DDX24: variants seen among roughly 807,000 people sequenced by gnomAD.
DDX24 encodes the protein DEAD-box helicase 24.
Under a neutral mutation model 68.9 loss-of-function variants are expected in DDX24, and 24 were observed. That is an observed-to-expected ratio of 0.35 (90% CI 0.25 to 0.49). The LOEUF is 0.49. DDX24 is among the 20% of genes least tolerant of loss of function. DDX24 has a pLI of 0.99. For missense variants in DDX24, 989 were observed against 1,039.0 expected (o/e 0.95, Z 0.66); for synonymous variants, 395 against 385.2 (o/e 1.03, Z -0.30).
rs57200455 is a variant in DDX24, at chr14:94,069,458, T to C, written c.719-6837A>G. On this transcript the variant is annotated intron_variant, in intron 2 of 8. Transcript: ENST00000621632. ...ATTCAAAGAACTGGTCCCAATCCTT[T>C]TGACACTATTCTACGAGATGGAGAA... Among the ~76,000 whole-genome samples, 690 of 152,302 alleles carry C rather than the reference T, an allele frequency of 4.5e-3. 20 individuals carry two copies. In the East Asian group the frequency reaches 0.091, roughly 20 times the overall value.
At chr14:94,073,580 A>T (rs1885876598) in intron 2 of DDX24, among the ~76,000 whole-genome samples, 1 of 152,186 alleles carries the variant, frequency 6.6e-6, no homozygotes, top group Admixed American at 6.5e-5. Context: ...ACAAAAAAAA[A>T]TTACTAAGGA....
intron 2 of DDX24, among the ~76,000 whole-genome samples, chr14:94,071,358 GAT>G (rs1885824352): frequency 6.6e-6 from 1 of 152,168 alleles, no homozygotes; most frequent in Non-Finnish European, 1.5e-5. Flanking sequence ...AAAAACAGTA[GAT>G]GTTGGCAGCC....
rs1419991709 is a variant in DDX24 at position 94,076,699 on chromosome 14, A to C, written c.718+2326T>G. On this transcript the variant is annotated intron_variant, in intron 2 of 8. Transcript: ENST00000621632. ...CCGTCTCAAAAAAAAAAAAAAAAAG[A>C]AAGCAAGAAAATGCAAATTAATCTA... Among the ~76,000 whole-genome samples the C allele has an allele frequency of 6.1e-5, 9 of 147,132 alleles. No individual in the cohort carries two copies. The South Asian group carries it at 6.5e-4, about 11-fold the overall frequency.
intron 3 of DDX24, among the ~76,000 whole-genome samples, chr14:94,061,600 G>A (rs973328073): frequency 5.9e-5 from 9 of 152,192 alleles, no homozygotes; most frequent in Non-Finnish European, 8.8e-5. Flanking sequence ...GATTCCCAGA[G>A]TGAAGCCCTT....
At position 94,053,199 on chromosome 14, in the gene DDX24, G is replaced by A; in HGVS notation, c.2179-72C>T. 1.9e-6 allele frequency: 3 copies of A among 1,602,040 alleles called. No homozygotes were observed. In the South Asian group the frequency reaches 3.3e-5, roughly 18 times the overall value. ...CTCTGGGAAGCAAAGTCTCACTTGAGTTGTGTTTGTGTGTTTAAGGCAGGT... is the reference window on the plus strand; with the variant it reads ...CTCTGGGAAGCAAAGTCTCACTTGAATTGTGTTTGTGTGTTTAAGGCAGGT... On this transcript the variant is annotated intron_variant, in intron 7 of 8. Coordinates refer to ENST00000621632, the MANE Select transcript of DDX24 (RefSeq NM_020414.4).
Position 94,061,003 on chromosome 14 carries a change from C to T in DDX24, c.1307G>A (p.Arg436His), listed in dbSNP as rs779464481. 1.8e-5 allele frequency: 29 copies of T among 1,614,182 alleles called. No individual in the cohort carries two copies. The East Asian group carries it at 2.5e-4, about 14-fold the overall frequency. The change falls in exon 4 of 9, where the codon CGT becomes CAT. Residue 436 changes from arginine to histidine, a missense_variant. This residue lies in a region of DDX24 where 691 missense variants were observed against 760.0 expected (regional missense o/e 0.91). Coordinates refer to ENST00000621632, the MANE Select transcript of DDX24 (RefSeq NM_020414.4). ...STQKQQRMLNRRPEIVVATPG... is the reference protein window; with the variant it reads ...STQKQQRMLNHRPEIVVATPG... ...AGTAGCAACCACAATCTCAGGACGA[C>T]GGTTCAGCATCCTCTGCTGTTTCTG...
At chr14:94,052,150 T>A (rs1595372043) in intron 8 of DDX24, among the ~76,000 whole-genome samples, 2 of 152,380 alleles carry the variant, frequency 1.3e-5, no homozygotes, top group African/African-American at 4.8e-5. Flanking sequence ...TGCCTCTGAA[T>A]TTGCTGACTT....
At chr14:94,058,562 CTGT>C (rs1260230502) in intron 5 of DDX24, among the ~76,000 whole-genome samples, 2 of 152,204 alleles carry the variant, frequency 1.3e-5, no homozygotes, top group African/African-American at 4.8e-5. Flanking sequence ...TTACTCACTG[CTGT>C]TATTACCACC....
chr14:94,073,746 C>G (rs1242184992), intron 2 of DDX24, among the ~76,000 whole-genome samples: 2 of 151,774 alleles, frequency 1.3e-5, no homozygotes, highest in Non-Finnish European at 2.9e-5. Context: ...AACAGTCACT[C>G]AAGAAAAAAA....
intron 2 of DDX24, among the ~76,000 whole-genome samples, chr14:94,067,633 C>A (rs557652414): frequency 5.9e-5 from 9 of 152,324 alleles, no homozygotes; most frequent in Non-Finnish European, 1.3e-4. Context: ...TAACAGTAGA[C>A]ATCTCAGGAG....
chr14:94,074,160 C>T (rs894335077), intron 2 of DDX24, among the ~76,000 whole-genome samples: 4 of 151,874 alleles, frequency 2.6e-5, no homozygotes, highest in Non-Finnish European at 5.9e-5. Flanking sequence ...TGAATTCTAC[C>T]AAAAATTTAA....
chr14:94,060,646 A>G, intron 4 of DDX24, 33 bp from the exon 5 acceptor site: 1 of 1,601,274 alleles, frequency 6.2e-7, no homozygotes, highest in Non-Finnish European at 8.5e-7. Flanking sequence ...ATCATTGGTC[A>G]GCAGCGGGTT....
At chr14:94,061,710 T>C (rs996364831) in intron 3 of DDX24, among the ~76,000 whole-genome samples, 1 of 152,180 alleles carries the variant, frequency 6.6e-6, no homozygotes, top group African/African-American at 2.4e-5. Context: ...ACTGACCTCA[T>C]AGGCCAGATG....
chr14:94,079,857 G>A (rs1886026947), intron 1 of DDX24, 110 bp from the exon 2 acceptor site: 2 of 988,198 alleles, frequency 2.0e-6, no homozygotes, highest in Non-Finnish European at 3.0e-6. Flanking sequence ...AGGATACAAA[G>A]ATGGCTATCA....
chr14:94,079,425 A>C lies in DDX24; in HGVS notation c.318T>G (p.Asn106Lys). 6.2e-7 allele frequency: 1 copy of C among 1,613,890 alleles called. No individual in the cohort carries two copies. The highest frequency in any genetic ancestry group is 1.3e-5 in the African/African-American group (1 of 74,966). The part of the protein sequence containing the change: ...KKKIKLKKSK[N>K]VATEGTSTQK... ...GGGTACTGGTTCCTTCAGTTGCTAC[A>C]TTTTTACTTTTCTTCAACTTGATCT... The change falls in exon 2 of 9, where the codon AAT becomes AAG. Residue 106 changes from asparagine to lysine, a missense_variant. Asn to Lys is a moderately conservative substitution (Grantham distance 94). Around this residue, in one of 3 missense-constraint regions of DDX24, gnomAD observed 295 missense variants for 263.0 expected, o/e 1.12. Coordinates refer to ENST00000621632, the MANE Select transcript of DDX24 (RefSeq NM_020414.4).
rs1025671977 is a variant in DDX24 at position 94,057,952 on chromosome 14, A to C, written c.1914-55T>G. 22 of 1,544,178 alleles carry C rather than the reference A, an allele frequency of 1.4e-5. No individual in the cohort carries two copies. In the African/African-American group the frequency reaches 3.0e-4, roughly 21 times the overall value. Reference sequence around the variant, plus strand: ...ATAACTAACAGCTATCTTTAATCAAATTCTTACCAACTGCTGAGCATCCTA... The same window carrying C: ...ATAACTAACAGCTATCTTTAATCAACTTCTTACCAACTGCTGAGCATCCTA... On this transcript the variant is annotated intron_variant, in intron 5 of 8. Transcript: ENST00000621632.
At chr14:94,053,596 C>T (rs1885435849) in intron 7 of DDX24, among the ~76,000 whole-genome samples, 2 of 151,950 alleles carry the variant, frequency 1.3e-5, no homozygotes, top group South Asian at 2.1e-4. Context: ...GGGCGGATCA[C>T]CTGAGGTCAG....
At chr14:94,064,721 T>C (rs1434578477) in intron 2 of DDX24, among the ~76,000 whole-genome samples, 1 of 152,210 alleles carries the variant, frequency 6.6e-6, no homozygotes, top group African/African-American at 2.4e-5. Context: ...AGTTACATCT[T>C]TTATAATAAA....
Position 94,079,506 on chromosome 14 carries a change from T to C in DDX24, c.237A>G (p.Gln79=), listed in dbSNP as rs369316825. The change falls in exon 2 of 9, where the codon CAA becomes CAG. Residue 79 remains glutamine (Q), a synonymous_variant. Coordinates refer to ENST00000621632, the MANE Select transcript of DDX24 (RefSeq NM_020414.4). ...FSKEAPKRKA[Q]AVSEEEEEEE... The stretch of plus-strand genomic sequence containing the variant: ...CCTCCTCCTCTTCTTCTGAAACAGC[T>C]TGTGCCTTTCTCTTGGGTGCTTCCT... 6.2e-6 allele frequency: 10 copies of C among 1,614,188 alleles called. No homozygotes were observed. The highest frequency in any genetic ancestry group is 7.6e-6 in the Non-Finnish European group (9 of 1,180,040).
Sources: gnomAD v4.1 joint callset for allele counts (sites outside exome capture counted in the v4.1 genomes callset) on GRCh38, gnomAD v4.1.1 for gene constraint, gnomAD v4.1.1 regional missense constraint, MANE v1.5 for transcripts, NCBI Gene and HGNC (gene_info 2026-07-23, HGNC 2026-07-21) for gene names.